RAB3GAP2: variants seen among roughly 807,000 people sequenced by gnomAD.
RAB3GAP2 encodes the protein rab3 GTPase-activating protein non-catalytic subunit.
RAB3GAP2 carries 87 observed loss-of-function variants against 185.3 expected under a neutral mutation model. The ratio of observed to expected loss-of-function variants is 0.47; its 90% CI spans 0.39 to 0.56. The LOEUF (loss-of-function observed/expected upper bound fraction) is 0.56. RAB3GAP2 is among the 20% of genes least tolerant of loss of function. The pLI is 0.00. For missense variants in RAB3GAP2, 1,492 were observed against 1,638.2 expected (o/e 0.91, Z 1.54); for synonymous variants, 554 against 576.1 (o/e 0.96, Z 0.55).
chr1:220,156,873 TA>T (rs1451602440), intron 31 of RAB3GAP2, among the ~76,000 whole-genome samples: 1 of 152,092 alleles, frequency 6.6e-6, no homozygotes, highest in Non-Finnish European at 1.5e-5. Context: ...AAATTTAGGT[TA>T]GGGGCAGGAT....
chr1:220,159,562 G>A, intron 28 of RAB3GAP2, 141 bp from the exon 29 acceptor site: 1 of 649,820 alleles, frequency 1.5e-6, no homozygotes, highest in Non-Finnish European at 2.7e-6. Flanking sequence ...TTAATTAGCT[G>A]TTGGCTCTAC....
At position 220,272,323 on chromosome 1, in the gene RAB3GAP2, A is replaced by T; in HGVS notation, c.15T>A (p.Ile5=). MACS[I]VQFCYFQDLQ... is the part of the protein sequence containing the mutation. ...GGTCCTGGAAGTAGCAGAACTGGAC[A>T]ATGGAGCAGGCCATGGCTCCAGGGA... Residue 5 remains isoleucine (I), a synonymous_variant, in exon 1 of 35, where the codon ATT becomes ATA. Coordinates refer to ENST00000358951, the MANE Select transcript of RAB3GAP2 (RefSeq NM_012414.4). 2.5e-6 allele frequency: 4 copies of T among 1,611,486 alleles called. No individual in the cohort carries two copies. Among genetic ancestry groups the T allele is most frequent in the Non-Finnish European group, 3.4e-6 (4 of 1,179,124 alleles).
intron 22 of RAB3GAP2, 106 bp from the exon 23 acceptor site, chr1:220,172,155 G>A (rs1055064993): frequency 1.6e-5 from 18 of 1,111,464 alleles, no homozygotes; most frequent in Middle Eastern, 2.4e-4. Context: ...CTACTGATGT[G>A]TTTTTGTATT....
intron 24 of RAB3GAP2, among the ~76,000 whole-genome samples, chr1:220,170,102 G>A (rs746728481): frequency 1.3e-5 from 2 of 152,172 alleles, no homozygotes; most frequent in Non-Finnish European, 2.9e-5. Context: ...AAAAAGATGA[G>A]TTCATGTCCT....
chr1:220,160,980 G>T (rs1448649452), intron 28 of RAB3GAP2, among the ~76,000 whole-genome samples: 1 of 152,168 alleles, frequency 6.6e-6, no homozygotes, highest in South Asian at 2.1e-4. Context: ...CCTGGTTTAG[G>T]ACTGTTTTTG....
intron 31 of RAB3GAP2, among the ~76,000 whole-genome samples, chr1:220,155,319 C>G (rs1380021721): frequency 2.0e-5 from 3 of 152,176 alleles, no homozygotes. Flanking sequence ...GCCTTCCATA[C>G]CTAATCATCT....
At chr1:220,255,663 A>C (rs184662439) in intron 1 of RAB3GAP2, among the ~76,000 whole-genome samples, 2 of 152,350 alleles carry the variant, frequency 1.3e-5, no homozygotes, top group Admixed American at 6.5e-5. Context: ...GAACAGACCA[A>C]GTGGAGGAAA....
intron 19 of RAB3GAP2, 72 bp from the exon 20 acceptor site, chr1:220,183,003 G>C (rs573406871): frequency 7.5e-7 from 1 of 1,337,490 alleles, no homozygotes; most frequent in African/African-American, 1.4e-5. Context: ...GAAATTCAAG[G>C]CTGTAAGCAA....
At chr1:220,164,664 T>G (rs1658031611) in intron 27 of RAB3GAP2, 69 bp downstream of exon 27, 1 of 1,550,062 alleles carries the variant, frequency 6.5e-7, no homozygotes, top group Non-Finnish European at 8.7e-7. Flanking sequence ...ATCTTTAAAT[T>G]CACATCCTGT....
chr1:220,235,508 C>G (rs1354302116), intron 1 of RAB3GAP2, among the ~76,000 whole-genome samples: 1 of 152,100 alleles, frequency 6.6e-6, no homozygotes, highest in Admixed American at 6.5e-5. Context: ...CTCGAAAAGA[C>G]CATGCAGAAT....
intron 1 of RAB3GAP2, among the ~76,000 whole-genome samples, chr1:220,251,815 T>C (rs1177288232): frequency 6.6e-6 from 1 of 152,210 alleles, no homozygotes; most frequent in Non-Finnish European, 1.5e-5. Flanking sequence ...AATTATTAAA[T>C]AGAGCCTAGT....
At chr1:220,170,859 T>C (rs1558143219) in intron 24 of RAB3GAP2, 33 bp downstream of exon 24, 6 of 1,540,560 alleles carry the variant, frequency 3.9e-6, no homozygotes, top group East Asian at 2.2e-5. Context: ...CATAAAAAAA[T>C]GGATGCAAAT....
rs1180334583 is a variant in RAB3GAP2 at position 220,193,316 on chromosome 1, C to T, written c.1194G>A (p.Leu398=). The change falls in exon 13 of 35, where the codon CTG becomes CTA. Residue 398 remains leucine (L), a synonymous_variant. Transcript: ENST00000358951. ...ESICLSPCNT[L]AAVTDDFGRV... ...TGCCGAAATCATCTGTTACTGCTGCCAGTGTGTTACATGGAGACAGACATA... is the reference window on the plus strand; with the variant it reads ...TGCCGAAATCATCTGTTACTGCTGCTAGTGTGTTACATGGAGACAGACATA... 7.4e-6 allele frequency: 12 copies of T among 1,613,844 alleles called. No homozygotes were observed. Among genetic ancestry groups the T allele is most frequent in the Middle Eastern group, 1.6e-4 (1 of 6,078 alleles).
intron 21 of RAB3GAP2, among the ~76,000 whole-genome samples, chr1:220,174,086 A>G (rs1446085461): frequency 6.6e-6 from 1 of 152,014 alleles, no homozygotes; most frequent in Non-Finnish European, 1.5e-5. Flanking sequence ...GATCTCAAAT[A>G]AATTTAAAAA....
At chr1:220,260,305 C>T (rs1660108734) in intron 1 of RAB3GAP2, among the ~76,000 whole-genome samples, 1 of 142,422 alleles carries the variant, frequency 7.0e-6, no homozygotes, top group Non-Finnish European at 1.5e-5. Flanking sequence ...TTCACTGCAG[C>T]ACTATTCACA....
intron 1 of RAB3GAP2, among the ~76,000 whole-genome samples, chr1:220,269,523 A>C (rs555162767): frequency 1.2e-4 from 19 of 152,306 alleles, no homozygotes; most frequent in African/African-American, 2.9e-4. Context: ...GGAGTTCAAG[A>C]CCAGCCTGGC....
rs1360794452 is a variant in RAB3GAP2, at chr1:220,214,005, A to G, written c.181-26T>C. ...CTGTGGGTAAAACTACAATTACTGC[A>G]TATGCAAAAATACCAAGAGTATTCA... is the stretch of plus-strand genomic sequence containing the variant. On this transcript the variant is annotated intron_variant, in intron 2 of 34. Transcript: ENST00000358951. 4.3e-6 allele frequency: 7 copies of G among 1,611,216 alleles called. No individual in the cohort carries two copies. The South Asian group carries it at 7.7e-5, about 18-fold the overall frequency.
chr1:220,268,015 G>A (rs1251282617), intron 1 of RAB3GAP2: 2 of 514,848 alleles, frequency 3.9e-6, no homozygotes, highest in Non-Finnish European at 6.9e-6. Flanking sequence ...AAGTAATTGA[G>A]GTGTTTTATG....
intron 1 of RAB3GAP2, among the ~76,000 whole-genome samples, chr1:220,257,116 T>G (rs1431051375): frequency 6.6e-6 from 1 of 152,178 alleles, no homozygotes; most frequent in Non-Finnish European, 1.5e-5. Context: ...TCGTGGCTCA[T>G]GCCTGTAATC....
Sources: gnomAD v4.1 joint callset for allele counts (sites outside exome capture counted in the v4.1 genomes callset) on GRCh38, gnomAD v4.1.1 for gene constraint, MANE v1.5 for transcripts, NCBI Gene and HGNC (gene_info 2026-07-23, HGNC 2026-07-21) for gene names.